GABBR2: variants seen among roughly 807,000 people sequenced by gnomAD.
GABBR2 encodes the protein G-protein coupled receptor 51.
In GABBR2, 23 loss-of-function variants were observed where a neutral mutation model predicts 105.6. That is an observed-to-expected ratio of 0.22 (90% CI 0.16 to 0.31). GABBR2 has a LOEUF of 0.31. GABBR2 is among the 10% of genes least tolerant of loss of function. GABBR2 has a pLI of 1.00. For missense variants in GABBR2, 734 were observed against 1,245.5 expected (o/e 0.59, Z 6.18); for synonymous variants, 478 against 499.7 (o/e 0.96, Z 0.58).
intron 5 of GABBR2, among the ~76,000 whole-genome samples, chr9:98,479,807 T>C (rs888485433): frequency 6.6e-6 from 1 of 152,188 alleles, no homozygotes; most frequent in East Asian, 1.9e-4. Context: ...CTGATGACCT[T>C]AGTTGCCAGA....
intron 13 of GABBR2, among the ~76,000 whole-genome samples, chr9:98,314,494 G>C (rs1301123443): frequency 1.3e-5 from 2 of 152,146 alleles, no homozygotes; most frequent in East Asian, 3.9e-4. Flanking sequence ...TCGGTGTGGA[G>C]AAAATTAGTT....
intron 17 of GABBR2, among the ~76,000 whole-genome samples, chr9:98,297,797 G>C (rs761452667): frequency 6.6e-6 from 1 of 150,614 alleles, no homozygotes; most frequent in Non-Finnish European, 1.5e-5. Context: ...TGAGGCAGGC[G>C]AATCACTTGA....
intron 1 of GABBR2, among the ~76,000 whole-genome samples, chr9:98,590,277 A>T (rs972563099): frequency 7.2e-5 from 11 of 152,172 alleles, no homozygotes; most frequent in South Asian, 2.1e-4. Flanking sequence ...CTGCTTCTAA[A>T]AGTCTCCAGA....
At chr9:98,659,595 C>T (rs1443717322) in intron 1 of GABBR2, among the ~76,000 whole-genome samples, 1 of 139,932 alleles carries the variant, frequency 7.1e-6, no homozygotes, top group Non-Finnish European at 1.5e-5. Flanking sequence ...GATCTCAGCT[C>T]ACTGCAATCT....
intron 7 of GABBR2, among the ~76,000 whole-genome samples, chr9:98,448,049 T>C (rs1826167035): frequency 6.6e-6 from 1 of 152,114 alleles, no homozygotes; most frequent in Non-Finnish European, 1.5e-5. Flanking sequence ...GTGAAATGCC[T>C]GAACCTAAGG....
chr9:98,684,169 T>TAAAAAAAAAAAAAAA (rs3032196), intron 1 of GABBR2, among the ~76,000 whole-genome samples: 2 of 66,114 alleles, frequency 3.0e-5, no homozygotes, highest in African/African-American at 1.3e-4. Flanking sequence ...TTTACCACGG[T>TAAAAAAAAAAAAAAA]AAAAAAAAAA....
At chr9:98,662,918 G>A (rs1315100310) in intron 1 of GABBR2, among the ~76,000 whole-genome samples, 1 of 152,180 alleles carries the variant, frequency 6.6e-6, no homozygotes, top group Non-Finnish European at 1.5e-5. Context: ...AGAGCTGTGC[G>A]ACCCAGACAG....
intron 2 of GABBR2, among the ~76,000 whole-genome samples, chr9:98,552,530 G>A (rs564310131): frequency 1.3e-4 from 20 of 152,162 alleles, no homozygotes; most frequent in Non-Finnish European, 2.5e-4. Context: ...CCAGGTCGCC[G>A]CTGTGCTCAA....
At chr9:98,636,100 A>T (rs2131832292) in intron 1 of GABBR2, among the ~76,000 whole-genome samples, 1 of 152,342 alleles carries the variant, frequency 6.6e-6, no homozygotes, top group East Asian at 1.9e-4. Context: ...CCATTATGAA[A>T]AATGATGTGG....
chr9:98,700,837 C>T (rs1830821037), intron 1 of GABBR2, among the ~76,000 whole-genome samples: 1 of 152,230 alleles, frequency 6.6e-6, no homozygotes, highest in African/African-American at 2.4e-5. Context: ...CTATCCCCAT[C>T]TTCCTGAAGC....
intron 2 of GABBR2, among the ~76,000 whole-genome samples, chr9:98,571,470 G>A (rs907398821): frequency 2.0e-5 from 3 of 152,152 alleles, no homozygotes; most frequent in Non-Finnish European, 1.5e-5. Context: ...TCCTGGCCTG[G>A]CAAGTCTCCA....
intron 7 of GABBR2, among the ~76,000 whole-genome samples, chr9:98,449,924 A>G (rs76243315): frequency 0.017 from 2,522 of 152,230 alleles, 31 homozygotes; most frequent in Non-Finnish European, 0.026. Flanking sequence ...TTCCCTGAGG[A>G]GAGTCACTGG....
At chr9:98,444,175 C>A (rs1337722141) in intron 7 of GABBR2, among the ~76,000 whole-genome samples, 1 of 152,222 alleles carries the variant, frequency 6.6e-6, no homozygotes, top group African/African-American at 2.4e-5. Flanking sequence ...CAGGCACCTA[C>A]TATGTCCCAG....
At chr9:98,491,099 C>T (rs1444109283) in intron 4 of GABBR2, among the ~76,000 whole-genome samples, 3 of 151,966 alleles carry the variant, frequency 2.0e-5, no homozygotes, top group African/African-American at 7.3e-5. Context: ...TTTTAACAGG[C>T]TTTTCTTTCT....
intron 12 of GABBR2, among the ~76,000 whole-genome samples, chr9:98,365,246 T>C (rs948070460): frequency 6.6e-6 from 1 of 152,230 alleles, no homozygotes; most frequent in East Asian, 1.9e-4. Flanking sequence ...ACAGTTAGTA[T>C]AAGAATAAAA....
At chr9:98,666,771 A>G (rs7856945) in intron 1 of GABBR2, among the ~76,000 whole-genome samples, 140,811 of 152,238 alleles carry the variant, frequency 0.92, 65,246 homozygotes, top group Middle Eastern at 0.97. Context: ...AAGGCTTTCC[A>G]TGTGAGACAA....
chr9:98,672,968 T>C (rs1386409317), intron 1 of GABBR2, among the ~76,000 whole-genome samples: 1 of 152,236 alleles, frequency 6.6e-6, no homozygotes, highest in South Asian at 2.1e-4. Context: ...TTCATTATAG[T>C]GTCATCTTCT....
chr9:98,662,359 A>G (rs965592396), intron 1 of GABBR2, among the ~76,000 whole-genome samples: 1 of 152,208 alleles, frequency 6.6e-6, no homozygotes, highest in Admixed American at 6.5e-5. Context: ...AATGATCATA[A>G]GGAACTTGGA....
chr9:98,493,290 C>A (rs926342357), intron 4 of GABBR2, among the ~76,000 whole-genome samples: 1 of 152,178 alleles, frequency 6.6e-6, no homozygotes, highest in African/African-American at 2.4e-5. Context: ...CTATTTCCTG[C>A]CCCATAGAAC....
Sources: gnomAD v4.1 joint callset for allele counts (sites outside exome capture counted in the v4.1 genomes callset) on GRCh38, gnomAD v4.1.1 for gene constraint, MANE v1.5 for transcripts, NCBI Gene and HGNC (gene_info 2026-07-23, HGNC 2026-07-21) for gene names.